VRK1: variants seen among roughly 807,000 people sequenced by gnomAD.
VRK1 encodes serine/threonine-protein kinase VRK1.
In VRK1, 33 loss-of-function variants were observed where a neutral mutation model predicts 57.1. The observed-to-expected ratio is 0.58, with a 90% CI of 0.44 to 0.77. The LOEUF (loss-of-function observed/expected upper bound fraction) is 0.77. Ranked by LOEUF, VRK1 falls within the 30% of genes least tolerant of loss-of-function variation. The pLI is 0.00. For synonymous variants in VRK1, 137 were observed against 147.8 expected (o/e 0.93, Z 0.53); for missense variants, 413 against 477.3 (o/e 0.87, Z 1.25).
intron 1 of VRK1, among the ~76,000 whole-genome samples, chr14:96,824,489 G>A (rs1886724191): frequency 6.6e-6 from 1 of 152,072 alleles, no homozygotes; most frequent in Non-Finnish European, 1.5e-5. Context: ...GGTGACCTCA[G>A]CAAGGGTTAT....
intron 12 of VRK1, among the ~76,000 whole-genome samples, chr14:96,880,452 C>T (rs1456256453): frequency 1.3e-5 from 2 of 152,132 alleles, no homozygotes; most frequent in African/African-American, 2.4e-5. Context: ...CACTAGGCAG[C>T]CGTGATCAGG....
chr14:96,845,013 A>G (rs1462213348), intron 3 of VRK1, among the ~76,000 whole-genome samples: 4 of 152,130 alleles, frequency 2.6e-5, no homozygotes, highest in African/African-American at 9.7e-5. Flanking sequence ...GCAACCCAAA[A>G]CTATAAGTTG....
chr14:96,823,789 G>A (rs76997569), intron 1 of VRK1, among the ~76,000 whole-genome samples: 12,640 of 152,142 alleles, frequency 0.083, 689 homozygotes, highest in Non-Finnish European at 0.13. Context: ...CCTCCCTCCA[G>A]CCTCTGGCTT....
At chr14:96,804,161 G>T (rs1425116718) in intron 1 of VRK1, among the ~76,000 whole-genome samples, 1 of 152,008 alleles carries the variant, frequency 6.6e-6, no homozygotes, top group South Asian at 2.1e-4. Context: ...ATTTAGATCC[G>T]TGATCCTTTT....
chr14:96,847,275 C>A lies in VRK1; in HGVS notation c.305C>A (p.Thr102Asn). ...TTTGTAGTTCAGAAATGGATTCGTA[C>A]CCGTAAGCTGAAGTACCTGGGTGTT... ...KPEQIQKWIR[T>N]RKLKYLGVPK... Residue 102 changes from threonine to asparagine, a missense_variant, in exon 5 of 13, where the codon ACC becomes AAC. Physicochemically the swap from Thr to Asn is moderately conservative, Grantham distance 65 (BLOSUM62 0). Transcript: ENST00000216639. The A allele has an allele frequency of 1.9e-6, 3 of 1,613,532 alleles. No homozygotes were observed. The highest frequency in any genetic ancestry group is 1.7e-4 in the Middle Eastern group (1 of 6,058).
intron 1 of VRK1, among the ~76,000 whole-genome samples, chr14:96,811,024 G>T (rs1425017142): frequency 6.6e-6 from 1 of 151,892 alleles, no homozygotes; most frequent in Non-Finnish European, 1.5e-5. Flanking sequence ...CCGCCTCCTG[G>T]GTTCAAGCGG....
intron 1 of VRK1, among the ~76,000 whole-genome samples, chr14:96,815,236 C>G (rs572537900): frequency 5.9e-5 from 9 of 152,098 alleles, no homozygotes; most frequent in African/African-American, 1.9e-4. Flanking sequence ...ATTAATGAAG[C>G]TGAGTCTATT....
At chr14:96,817,871 T>A (rs1886454423) in intron 1 of VRK1, among the ~76,000 whole-genome samples, 1 of 152,232 alleles carries the variant, frequency 6.6e-6, no homozygotes, top group Non-Finnish European at 1.5e-5. Flanking sequence ...TGAGCTCTTC[T>A]CATGGGCCAT....
chr14:96,815,456 A>G (rs1886356233), intron 1 of VRK1, among the ~76,000 whole-genome samples: 1 of 152,206 alleles, frequency 6.6e-6, no homozygotes, highest in African/African-American at 2.4e-5. Context: ...GGTAGAATCT[A>G]GGATTCTCTG....
rs779770049 is a variant in VRK1, at chr14:96,855,230, T to G, written c.583T>G (p.Leu195Val). 1.2e-5 allele frequency: 20 copies of G among 1,614,004 alleles called. No homozygotes were observed. Among genetic ancestry groups the G allele is most frequent in the African/African-American group, 2.7e-5 (2 of 75,024 alleles). Residue 195 changes from leucine (L) to valine (V), a missense_variant, in exon 8 of 13, where the codon TTG becomes GTG. This residue lies in a region of VRK1 where 151 missense variants were observed against 225.5 expected (regional missense o/e 0.67). Transcript: ENST00000216639. ...LNYKNPDQVY[L>V]VDYGLAYRYC... ...GGTGCTTGGAAATTTATAGGTGTAC[T>G]TGGTAGATTATGGCCTTGCTTATCG...
At chr14:96,809,732 C>T (rs909701562) in intron 1 of VRK1, among the ~76,000 whole-genome samples, 13 of 152,040 alleles carry the variant, frequency 8.6e-5, no homozygotes, top group African/African-American at 3.1e-4. Flanking sequence ...GCCACCACGC[C>T]TGGCTCATTT....
chr14:96,848,005 T>A (rs1254362592), intron 5 of VRK1, among the ~76,000 whole-genome samples: 1 of 152,220 alleles, frequency 6.6e-6, no homozygotes, highest in Non-Finnish European at 1.5e-5. Context: ...TGAATGGAAC[T>A]TCATGGAGTA....
chr14:96,876,136 T>C lies in VRK1; in HGVS notation c.1159+16T>C, dbSNP rs186736702. ...ATACAGACCCGTAAGTTGAACAGTT[T>C]TGCCTAGCTGCTTTCATAGGTAAAC... is the stretch of plus-strand genomic sequence containing the variant. On this transcript the variant is annotated intron_variant, in intron 12 of 12. Transcript: ENST00000216639. 1 of 1,612,950 alleles carries C rather than the reference T, an allele frequency of 6.2e-7. No individual in the cohort carries two copies. The highest frequency in any genetic ancestry group is 1.3e-5 in the African/African-American group (1 of 74,998).
At chr14:96,875,168 C>T (rs1286577335) in intron 11 of VRK1, among the ~76,000 whole-genome samples, 2 of 152,098 alleles carry the variant, frequency 1.3e-5, no homozygotes, top group East Asian at 1.9e-4. Flanking sequence ...TCCTAATGCC[C>T]GTCTATAATT....
chr14:96,877,896 A>C lies in VRK1; in HGVS notation c.1159+1776A>C, dbSNP rs548318324. On this transcript the variant is annotated intron_variant, in intron 12 of 12. Transcript: ENST00000216639. ...CTAAGTTTTTAGTTTAAGGTCTTCT[A>C]CTGATGCTTTTTCCCATGAGAAAAT... is the stretch of plus-strand genomic sequence containing the variant. Among the ~76,000 whole-genome samples, 13 of 152,292 alleles carry C rather than the reference A, an allele frequency of 8.5e-5. 1 individual carries two copies. The highest frequency in any genetic ancestry group is 3.1e-4 in the African/African-American group (13 of 41,570).
At chr14:96,808,959 TC>T (rs765504668) in intron 1 of VRK1, among the ~76,000 whole-genome samples, 20 of 152,240 alleles carry the variant, frequency 1.3e-4, no homozygotes, top group Non-Finnish European at 2.4e-4. Context: ...TTCTCCACTT[TC>T]CTGTATGGTA....
intron 2 of VRK1, 110 bp from the exon 3 acceptor site, chr14:96,837,652 C>A: frequency 1.9e-6 from 1 of 535,070 alleles, no homozygotes; most frequent in Non-Finnish European, 3.0e-6. Context: ...GAAACACATA[C>A]TTGGGAACTG....
chr14:96,880,130 C>A (rs527688935), intron 12 of VRK1, among the ~76,000 whole-genome samples: 1 of 152,076 alleles, frequency 6.6e-6, no homozygotes, highest in Admixed American at 6.6e-5. Context: ...AATTTGCTTT[C>A]ATTGAACTGT....
At chr14:96,826,175 T>G (rs1287121710) in intron 1 of VRK1, among the ~76,000 whole-genome samples, 1 of 152,224 alleles carries the variant, frequency 6.6e-6, no homozygotes, top group African/African-American at 2.4e-5. Flanking sequence ...TATTTTAATA[T>G]TCATAGCAGA....
Sources: gnomAD v4.1 joint callset for allele counts (sites outside exome capture counted in the v4.1 genomes callset) on GRCh38, gnomAD v4.1.1 for gene constraint, gnomAD v4.1.1 regional missense constraint, MANE v1.5 for transcripts, NCBI Gene and HGNC (gene_info 2026-07-23, HGNC 2026-07-21) for gene names.